ACSL5: variants seen among roughly 807,000 people sequenced by gnomAD.
ACSL5 encodes long-chain-fatty-acid--CoA ligase 5.
Under a neutral mutation model 84.9 loss-of-function variants are expected in ACSL5, and 50 were observed. The ratio of observed to expected loss-of-function variants is 0.59; its 90% CI spans 0.47 to 0.75. The LOEUF (loss-of-function observed/expected upper bound fraction) is 0.75. Ranked by LOEUF, ACSL5 falls within the 30% of genes least tolerant of loss-of-function variation. The pLI is 0.00. For missense variants in ACSL5, 775 were observed against 830.4 expected (o/e 0.93, Z 0.82); for synonymous variants, 280 against 300.7 (o/e 0.93, Z 0.71).
intron 18 of ACSL5, 77 bp downstream of exon 18, chr10:112,425,558 G>T: frequency 1.3e-5 from 14 of 1,070,928 alleles, no homozygotes; most frequent in Non-Finnish European, 1.6e-5. Context: ...AATTTGTATA[G>T]TTGGGTTCAG....
rs371154491 is a variant in ACSL5 at position 112,395,073 on chromosome 10, G to C, written c.127G>C (p.Asp43His). The C allele has an allele frequency of 1.9e-6, 3 of 1,613,870 alleles. No homozygotes were observed. The highest frequency in any genetic ancestry group is 2.5e-6 in the Non-Finnish European group (3 of 1,180,000). The stretch of plus-strand genomic sequence containing the variant: ...ACCTCAACCCGTCTTACCTCTTCTT[G>C]ACCTGAACAATCAGTCTGTGGGAAT... ...TRPQPVLPLL[D>H]LNNQSVGIEG... Residue 43 changes from aspartate (D) to histidine (H), a missense_variant, in exon 2 of 21, where the codon GAC (aspartate) becomes CAC (histidine). Asp to His is a moderately conservative substitution (Grantham distance 81). Transcript: ENST00000354655.
At position 112,411,942 on chromosome 10, in the gene ACSL5, A is replaced by G. The variant is rs908681996; in HGVS notation, c.911A>G (p.Tyr304Cys). 1 of 1,613,838 alleles carries G rather than the reference A, an allele frequency of 6.2e-7. No homozygotes were observed. The highest frequency in any genetic ancestry group is 8.5e-7 in the Non-Finnish European group (1 of 1,179,884). The stretch of plus-strand genomic sequence containing the variant: ...ACTCCTGATGATGTGGCCATATCCT[A>G]CCTCCCTCTGGCTCATATGTTTGAG... ...EPTPDDVAIS[Y>C]LPLAHMFERI... Residue 304 changes from tyrosine to cysteine, a missense_variant, in exon 11 of 21, where the codon TAC (tyrosine) becomes TGC (cysteine). By Grantham distance (194) the Tyr-to-Cys change is radical. Transcript: ENST00000354655.
intron 1 of ACSL5, among the ~76,000 whole-genome samples, chr10:112,393,277 C>G (rs1056453479): frequency 4.6e-5 from 7 of 152,064 alleles, no homozygotes; most frequent in African/African-American, 1.7e-4. Flanking sequence ...ACTTATTTTT[C>G]TCCCCCTAAA....
Position 112,421,936 on chromosome 10 carries a change from G to A in ACSL5, c.1388-11G>A, listed in dbSNP as rs762957438. 2.5e-6 allele frequency: 4 copies of A among 1,613,796 alleles called. No homozygotes were observed. In the East Asian group the frequency reaches 8.9e-5, roughly 36 times the overall value. Reference sequence around the variant, plus strand: ...AGAGTTTCTCAGCTAATTCAGCACGGTATGTTCTAGGTCACGTTGGGGTGC... The same window carrying A: ...AGAGTTTCTCAGCTAATTCAGCACGATATGTTCTAGGTCACGTTGGGGTGC... On this transcript the variant is annotated splice_polypyrimidine_tract_variant and intron_variant, in intron 15 of 20. Coordinates refer to ENST00000354655, the MANE Select transcript of ACSL5 (RefSeq NM_203379.2).
At chr10:112,383,551 G>A (rs893542128) in intron 1 of ACSL5, among the ~76,000 whole-genome samples, 14 of 152,246 alleles carry the variant, frequency 9.2e-5, no homozygotes, top group African/African-American at 2.7e-4. Flanking sequence ...TTAGAGAAAT[G>A]GATGAAAAAG....
intron 3 of ACSL5, among the ~76,000 whole-genome samples, chr10:112,401,727 G>T (rs1843893004): frequency 6.6e-6 from 1 of 152,146 alleles, no homozygotes; most frequent in Admixed American, 6.5e-5. Context: ...GTGATAAGAT[G>T]CAGTATAATT....
At chr10:112,421,160 T>G (rs1166292420) in intron 14 of ACSL5, among the ~76,000 whole-genome samples, 1 of 151,894 alleles carries the variant, frequency 6.6e-6, no homozygotes, top group Non-Finnish European at 1.5e-5. Context: ...GTTCGTTTGT[T>G]TGTTTGTTTG....
intron 12 of ACSL5, among the ~76,000 whole-genome samples, chr10:112,414,848 T>C (rs1294641665): frequency 6.6e-6 from 1 of 152,156 alleles, no homozygotes; most frequent in Non-Finnish European, 1.5e-5. Context: ...CAATATAGTA[T>C]GTGATGATTC....
intron 1 of ACSL5, chr10:112,376,160 G>C (rs1564727660): frequency 8.7e-7 from 1 of 1,144,584 alleles, no homozygotes; most frequent in Non-Finnish European, 1.2e-6. Flanking sequence ...TCCCCTCCTG[G>C]TCAGAACACT....
chr10:112,414,315 T>A (rs1488021720), intron 12 of ACSL5, among the ~76,000 whole-genome samples: 2 of 151,744 alleles, frequency 1.3e-5, no homozygotes, highest in African/African-American at 4.8e-5. Flanking sequence ...TTTTTAGGAA[T>A]TCATAATTTT....
intron 1 of ACSL5, among the ~76,000 whole-genome samples, chr10:112,379,894 T>G (rs1284877903): frequency 1.3e-5 from 2 of 152,186 alleles, no homozygotes; most frequent in Non-Finnish European, 2.9e-5. Flanking sequence ...AAGGGCTGAT[T>G]CTGCAGAAAA....
chr10:112,380,344 C>G (rs952695377), intron 1 of ACSL5, among the ~76,000 whole-genome samples: 6 of 152,074 alleles, frequency 3.9e-5, no homozygotes, highest in African/African-American at 1.4e-4. Flanking sequence ...AATGTCTGGC[C>G]CCACCCAGGC....
intron 15 of ACSL5, 87 bp from the exon 16 acceptor site, chr10:112,421,860 A>G (rs1251237217): frequency 1.4e-6 from 2 of 1,443,118 alleles, no homozygotes; most frequent in Non-Finnish European, 1.9e-6. Context: ...TTCCTCTTCT[A>G]GAGTCAATTC....
chr10:112,417,722 G>C (rs910413437), intron 13 of ACSL5, 124 bp from the exon 14 acceptor site: 3 of 758,440 alleles, frequency 4.0e-6, no homozygotes, highest in East Asian at 2.5e-5. Context: ...GTAAATTAAC[G>C]TGAGAATTGA....
In ACSL5 at chr10:112,395,049, C is replaced by A. The variant is rs377453747; in HGVS notation, c.103C>A (p.Pro35Thr). ...AAIFLWLITR[P>T]QPVLPLLDLN... ...CATCTTCTTGTGGCTGATCACCAGA[C>A]CTCAACCCGTCTTACCTCTTCTTGA... is the stretch of plus-strand genomic sequence containing the variant. The change falls in exon 2 of 21, where the codon CCT becomes ACT. Residue 35 changes from proline to threonine, a missense_variant. Coordinates refer to ENST00000354655, the MANE Select transcript of ACSL5 (RefSeq NM_203379.2). 16 of 1,613,958 alleles carry A rather than the reference C, an allele frequency of 9.9e-6. No homozygotes were observed. The African/African-American group carries it at 2.1e-4, about 22-fold the overall frequency.
At chr10:112,405,590 C>T (rs1844015315) in intron 5 of ACSL5, among the ~76,000 whole-genome samples, 1 of 152,050 alleles carries the variant, frequency 6.6e-6, no homozygotes, top group Non-Finnish European at 1.5e-5. Context: ...CACAGTCAGC[C>T]TCAATAGAAA....
chr10:112,418,717 C>T (rs1301061831), intron 14 of ACSL5: 2 of 152,376 alleles, frequency 1.3e-5, no homozygotes, highest in Non-Finnish European at 2.9e-5. Context: ...TGTATTCTTA[C>T]AATAAAGTAA....
intron 12 of ACSL5, among the ~76,000 whole-genome samples, chr10:112,415,269 G>A (rs1189697196): frequency 1.3e-5 from 2 of 151,854 alleles, no homozygotes; most frequent in Non-Finnish European, 2.9e-5. Context: ...GCACGATCTC[G>A]GCTCACTGCA....
chr10:112,411,986 G>A lies in ACSL5; in HGVS notation c.948+7G>A. On this transcript the variant is annotated splice_region_variant and intron_variant, in intron 11 of 20. Transcript: ENST00000354655. ...GTTTGAGAGGATTGTACAGGTGAGT[G>A]TTCTGTGTTCCTAGCAGTATGTGGC... 6.2e-7 allele frequency: 1 copy of A among 1,608,196 alleles called. No individual in the cohort carries two copies. The highest frequency in any genetic ancestry group is 8.5e-7 in the Non-Finnish European group (1 of 1,174,574).
Sources: allele counts gnomAD v4.1 joint callset (sites outside exome capture counted in the v4.1 genomes callset), GRCh38; gene constraint gnomAD v4.1.1; transcripts MANE v1.5; gene names NCBI Gene and HGNC (gene_info 2026-07-23, HGNC 2026-07-21).